NAALADL2: variants seen among roughly 807,000 people sequenced by gnomAD.
NAALADL2 encodes inactive N-acetylated-alpha-linked acidic dipeptidase-like protein 2.
NAALADL2 carries 76 observed loss-of-function variants against 87.2 expected under a neutral mutation model. That is an observed-to-expected ratio of 0.87 (90% CI 0.72 to 1.05). The LOEUF (loss-of-function observed/expected upper bound fraction) is 1.05, where lower values mean the gene tolerates loss of function less well. Ranked by LOEUF, NAALADL2 falls within the 50% of genes least tolerant of loss-of-function variation. The probability of loss-of-function intolerance (pLI) is 0.00; values close to 1 mark genes in which losing one functional copy is unlikely to be tolerated. For synonymous variants in NAALADL2, 354 were observed against 331.0 expected (o/e 1.07, Z -0.75); for missense variants, 1,089 against 945.8 (o/e 1.15, Z -1.99).
At chr3:174,611,672 A>T (rs1183765103) in intron 2 of NAALADL2, among the ~76,000 whole-genome samples, 1 of 149,816 alleles carries the variant, frequency 6.7e-6, no homozygotes, top group Non-Finnish European at 1.5e-5. Flanking sequence ...GCTCGCTGCA[A>T]CCTCTGCCTC....
intron 10 of NAALADL2, among the ~76,000 whole-genome samples, chr3:175,607,975 T>C (rs1041464723): frequency 6.1e-4 from 92 of 151,074 alleles, no homozygotes; most frequent in African/African-American, 2.2e-3. Flanking sequence ...AATTATACCA[T>C]ATTAACTAAA....
intron 2 of NAALADL2, among the ~76,000 whole-genome samples, chr3:175,158,458 T>C (rs1405003740): frequency 1.3e-5 from 2 of 152,128 alleles, no homozygotes; most frequent in Non-Finnish European, 2.9e-5. Context: ...GGTAAAGAGA[T>C]GCATTGGACC....
chr3:175,301,449 CA>C (rs1233474614), intron 4 of NAALADL2, among the ~76,000 whole-genome samples: 1 of 152,128 alleles, frequency 6.6e-6, no homozygotes, highest in Non-Finnish European at 1.5e-5. Context: ...ATAAATACTG[CA>C]AAAACGCATG....
chr3:175,444,814 T>C (rs910567258), intron 5 of NAALADL2, among the ~76,000 whole-genome samples: 1 of 152,186 alleles, frequency 6.6e-6, no homozygotes, highest in African/African-American at 2.4e-5. Flanking sequence ...TGCTCTTATA[T>C]AACAAAATGG....
intron 11 of NAALADL2, among the ~76,000 whole-genome samples, chr3:175,687,712 G>A (rs1395942088): frequency 1.3e-5 from 2 of 152,300 alleles, no homozygotes; most frequent in East Asian, 3.9e-4. Flanking sequence ...GAGGTGGTGG[G>A]AGGTGTTTAG....
At chr3:174,615,495 G>A (rs897931525) in intron 2 of NAALADL2, among the ~76,000 whole-genome samples, 7 of 152,162 alleles carry the variant, frequency 4.6e-5, no homozygotes, top group Admixed American at 1.3e-4. Context: ...ACTATCATTG[G>A]GAAGATTTAG....
intron 2 of NAALADL2, among the ~76,000 whole-genome samples, chr3:174,706,501 G>A (rs1383498587): frequency 6.6e-6 from 1 of 152,176 alleles, no homozygotes; most frequent in Non-Finnish European, 1.5e-5. Context: ...GAACACTCAT[G>A]AAAGTAAAAA....
At chr3:174,614,994 A>G (rs1042350515) in intron 2 of NAALADL2, among the ~76,000 whole-genome samples, 6 of 152,146 alleles carry the variant, frequency 3.9e-5, no homozygotes, top group Non-Finnish European at 8.8e-5. Flanking sequence ...AAAAGCAGTA[A>G]TTTTGAAATA....
chr3:175,323,881 G>A (rs543550853), intron 4 of NAALADL2, among the ~76,000 whole-genome samples: 4 of 151,626 alleles, frequency 2.6e-5, no homozygotes, highest in Non-Finnish European at 4.4e-5. Context: ...AGCCGGGTGT[G>A]GTGGCAGGCG....
At chr3:175,776,920 T>TA (rs1750327711) in intron 13 of NAALADL2, among the ~76,000 whole-genome samples, 1 of 152,072 alleles carries the variant, frequency 6.6e-6, no homozygotes, top group African/African-American at 2.4e-5. Flanking sequence ...TTAAAAGAGA[T>TA]ACAGATTTAA....
chr3:175,788,257 T>A (rs1308188513), intron 13 of NAALADL2, among the ~76,000 whole-genome samples: 1 of 151,962 alleles, frequency 6.6e-6, no homozygotes, highest in Non-Finnish European at 1.5e-5. Context: ...TATGCTCAAC[T>A]AATTTTTGTG....
chr3:175,536,107 C>T (rs180839234), intron 9 of NAALADL2, among the ~76,000 whole-genome samples: 4 of 152,286 alleles, frequency 2.6e-5, no homozygotes, highest in Admixed American at 6.5e-5. Flanking sequence ...ATTGAATTCT[C>T]GCTCTGCCAC....
intron 2 of NAALADL2, among the ~76,000 whole-genome samples, chr3:175,208,695 G>A (rs4243408): frequency 0.68 from 103,977 of 152,002 alleles, 36,534 homozygotes; most frequent in African/African-American, 0.83. Context: ...AGCATACACT[G>A]ATCTCCACAT....
Position 175,103,609 on chromosome 3 carries a change from T to C in NAALADL2, c.545+6318T>C, listed in dbSNP as rs566380151. On this transcript the variant is annotated intron_variant, in intron 2 of 13. Transcript: ENST00000454872. ...CACCCAACATTCTTGAAAGCCCTTATTAATTGATCAGAAGTACACAAGAGA... is the reference window on the plus strand; with the variant it reads ...CACCCAACATTCTTGAAAGCCCTTACTAATTGATCAGAAGTACACAAGAGA... Among the ~76,000 whole-genome samples the C allele has an allele frequency of 9.2e-5, 14 of 152,318 alleles. No individual in the cohort carries two copies. In the South Asian group the frequency reaches 2.9e-3, roughly 32 times the overall value.
At chr3:174,841,022 G>T (rs1490099357) in intron 3 of NAALADL2, among the ~76,000 whole-genome samples, 2 of 147,828 alleles carry the variant, frequency 1.4e-5, no homozygotes, top group Non-Finnish European at 3.0e-5. Context: ...AGCATGTTAT[G>T]CCACTTTGAC....
chr3:175,074,244 T>A (rs1349352136), intron 1 of NAALADL2, among the ~76,000 whole-genome samples: 2 of 152,134 alleles, frequency 1.3e-5, no homozygotes, highest in African/African-American at 4.8e-5. Flanking sequence ...TTTGTTTAAC[T>A]TTTGACTCAC....
At chr3:175,125,947 C>T (rs1216425233) in intron 2 of NAALADL2, among the ~76,000 whole-genome samples, 1 of 152,034 alleles carries the variant, frequency 6.6e-6, no homozygotes, top group African/African-American at 2.4e-5. Flanking sequence ...GCATAGGAGA[C>T]TTGAAATTGA....
intron 1 of NAALADL2, among the ~76,000 whole-genome samples, chr3:175,071,002 T>A (rs549668533): frequency 8.1e-4 from 123 of 152,138 alleles, no homozygotes; most frequent in Admixed American, 2.5e-3. Flanking sequence ...TATTAGTAGG[T>A]TGAAGATGTG....
At chr3:175,724,365 T>G (rs1366572126) in intron 11 of NAALADL2, among the ~76,000 whole-genome samples, 1 of 152,168 alleles carries the variant, frequency 6.6e-6, no homozygotes, top group Non-Finnish European at 1.5e-5. Context: ...TGTGCTCTGT[T>G]GGTGCAGCTT....
Sources: allele counts gnomAD v4.1 joint callset (sites outside exome capture counted in the v4.1 genomes callset), GRCh38; gene constraint gnomAD v4.1.1; transcripts MANE v1.5; gene names NCBI Gene and HGNC (gene_info 2026-07-23, HGNC 2026-07-21).